METTL6: variants seen among roughly 807,000 people sequenced by gnomAD.
METTL6 encodes methyltransferase 6, tRNA N3-cytidine.
METTL6 carries 22 observed loss-of-function variants against 26.4 expected under a neutral mutation model. That is an observed-to-expected ratio of 0.83 (90% CI 0.59 to 1.19). METTL6 has a LOEUF of 1.19. METTL6 is among the 50% of genes most tolerant of loss of function. The pLI, the probability that METTL6 is intolerant of heterozygous loss-of-function variation, is 0.00. For synonymous variants in METTL6, 109 were observed against 116.2 expected (o/e 0.94, Z 0.40); for missense variants, 304 against 324.8 (o/e 0.94, Z 0.49).
Position 15,425,070 on chromosome 3 carries a change from G to A in METTL6, c.245C>T (p.Thr82Ile). ...SCREFEDQKL[T>I]MLEAGCGVGN... ...AACCCCACAGCCAGCTTCAAGCATT[G>A]TTAACTTTTGATCTTCAAACTGGGG... Residue 82 changes from threonine to isoleucine, a missense_variant, in exon 3 of 6, where the codon ACA (threonine) becomes ATA (isoleucine). Thr to Ile is a moderately conservative substitution (Grantham distance 89). Transcript: ENST00000383790. The A allele has an allele frequency of 6.2e-7, 1 of 1,614,080 alleles. No individual in the cohort carries two copies. The highest frequency in any genetic ancestry group is 8.5e-7 in the Non-Finnish European group (1 of 1,179,994).
At chr3:15,408,783 C>T (rs974839130), downstream of METTL6, among the ~76,000 whole-genome samples, 1 of 151,990 alleles carries the variant, frequency 6.6e-6, no homozygotes, top group Non-Finnish European at 1.5e-5. Context: ...TGCTACATCA[C>T]CCAGGATCCC....
At chr3:15,420,683 C>G (rs2125021672) in intron 3 of METTL6, among the ~76,000 whole-genome samples, 1 of 152,304 alleles carries the variant, frequency 6.6e-6, no homozygotes, top group Admixed American at 6.5e-5. Context: ...TAATTTACAA[C>G]ATCTAGTTCT....
intron 6 of METTL6, among the ~76,000 whole-genome samples, chr3:15,399,996 C>T (rs1191513101): frequency 6.6e-6 from 1 of 152,084 alleles, no homozygotes; most frequent in Non-Finnish European, 1.5e-5. Context: ...ACAGCAGATG[C>T]AAGCAGAGGC....
chr3:15,392,858 C>G (rs1420828783), intron 6 of METTL6, among the ~76,000 whole-genome samples: 1 of 152,220 alleles, frequency 6.6e-6, no homozygotes, highest in East Asian at 1.9e-4. Flanking sequence ...TGGTCTATAT[C>G]TCTGTTTTGG....
Position 15,410,018 on chromosome 3 carries a change from T to C in METTL6, c.*1238A>G, listed in dbSNP as rs1040166337. 6.6e-6 allele frequency among the ~76,000 whole-genome samples: 1 copy of C among 152,186 alleles called. No homozygotes were observed. Among genetic ancestry groups the C allele is most frequent in the Non-Finnish European group, 1.5e-5 (1 of 68,036 alleles). ...GAGTAATGACAAGAATCTCTTTACG[T>C]GCTACAGGGTCCTTAGGCTTTTCTT... On this transcript the variant is annotated 3_prime_UTR_variant, in exon 6 of 6. Transcript: ENST00000383790.
chr3:15,386,887 A>G (rs1488994614), intron 6 of METTL6, among the ~76,000 whole-genome samples: 1 of 151,870 alleles, frequency 6.6e-6, no homozygotes, highest in Non-Finnish European at 1.5e-5. Flanking sequence ...TCTGCCTCCC[A>G]GGTTCAAGCG....
intron 3 of METTL6, among the ~76,000 whole-genome samples, chr3:15,421,576 T>C (rs766646281): frequency 6.6e-6 from 1 of 152,166 alleles, no homozygotes; most frequent in Non-Finnish European, 1.5e-5. Context: ...TTTTCCCACC[T>C]CAGTCTCCCA....
intron 6 of METTL6, among the ~76,000 whole-genome samples, chr3:15,401,527 T>G (rs1332061055): frequency 1.7e-5 from 2 of 119,676 alleles, no homozygotes; most frequent in African/African-American, 3.4e-5. Context: ...CAGTGAGCCA[T>G]GTTCACGCCA....
At chr3:15,392,793 G>A (rs944153560) in intron 6 of METTL6, among the ~76,000 whole-genome samples, 1 of 152,170 alleles carries the variant, frequency 6.6e-6, no homozygotes. Context: ...GTTTGTCAAA[G>A]ATCAGATAGT....
chr3:15,425,802 T>C (rs2061706630), intron 2 of METTL6, among the ~76,000 whole-genome samples: 1 of 152,218 alleles, frequency 6.6e-6, no homozygotes, highest in South Asian at 2.1e-4. Context: ...CTCCTATATG[T>C]TAACCAAACC....
downstream of METTL6, among the ~76,000 whole-genome samples, chr3:15,408,231 C>T (rs151046384): frequency 7.9e-5 from 12 of 152,144 alleles, no homozygotes; most frequent in East Asian, 2.3e-3. Flanking sequence ...ACAGGGGTGG[C>T]GTGGGTTCTG....
chr3:15,382,195 A>G (rs1197452426), exon 7 of METTL6: 1 of 152,008 alleles, frequency 6.6e-6, no homozygotes, highest in African/African-American at 2.4e-5. Context: ...GATTATAGGC[A>G]TGAGCATCTG....
chr3:15,421,038 A>G (rs769594016), intron 3 of METTL6, among the ~76,000 whole-genome samples: 1 of 152,228 alleles, frequency 6.6e-6, no homozygotes, highest in African/African-American at 2.4e-5. Context: ...ATAGTCCTGT[A>G]CTTAGTCACT....
intron 3 of METTL6, among the ~76,000 whole-genome samples, chr3:15,417,518 C>T (rs1405727681): frequency 6.6e-6 from 1 of 151,436 alleles, no homozygotes; most frequent in African/African-American, 2.4e-5. Flanking sequence ...GGAGAAGATA[C>T]ACTACTGGAT....
At chr3:15,389,736 A>G (rs1011581760) in intron 6 of METTL6, among the ~76,000 whole-genome samples, 5 of 151,082 alleles carry the variant, frequency 3.3e-5, no homozygotes, top group African/African-American at 1.2e-4. Context: ...TTTAGTAGAG[A>G]TGGGGTTTCT....
chr3:15,424,270 T>C (rs915198437), intron 3 of METTL6, among the ~76,000 whole-genome samples: 3 of 152,198 alleles, frequency 2.0e-5, no homozygotes, highest in Admixed American at 6.5e-5. Context: ...GATTATGTTA[T>C]TTTATTTGTT....
downstream of METTL6, among the ~76,000 whole-genome samples, chr3:15,405,135 T>C (rs149647159): frequency 4.6e-3 from 700 of 152,304 alleles, 5 homozygotes; most frequent in African/African-American, 0.016. Context: ...CATTTGGGGA[T>C]AGGAAAGTAC....
chr3:15,427,527 G>C lies in METTL6; in HGVS notation c.-250C>G, dbSNP rs559766250. ...GTTCTTTTGCCATGGCACCGCCCCC[G>C]CCACTTCCGCTAGGAACCCGGAAGT... On this transcript the variant is annotated 5_prime_UTR_variant, in exon 1 of 6. Coordinates refer to ENST00000383790, the MANE Select transcript of METTL6 (RefSeq NM_152396.4). 5 of 532,860 alleles carry C rather than the reference G, an allele frequency of 9.4e-6. No homozygotes were observed. The highest frequency in any genetic ancestry group is 3.5e-5 in the East Asian group (1 of 28,458). 33.0% of individuals were successfully genotyped at this position (532,860 alleles called of 1,614,324 possible). A position where few individuals can be genotyped will look rare whatever the true frequency, so the allele number is the denominator to read the frequency against.
At chr3:15,393,133 G>A (rs999799256) in intron 6 of METTL6, among the ~76,000 whole-genome samples, 3 of 152,174 alleles carry the variant, frequency 2.0e-5, no homozygotes, top group Non-Finnish European at 4.4e-5. Context: ...CCATGAACAT[G>A]GAATGTTCTT....
Sources: gnomAD v4.1 joint callset for allele counts (sites outside exome capture counted in the v4.1 genomes callset) on GRCh38, gnomAD v4.1.1 for gene constraint, MANE v1.5 for transcripts, NCBI Gene and HGNC (gene_info 2026-07-23, HGNC 2026-07-21) for gene names.